The following DIAPH2 variants were observed in gnomAD, a reference collection of about 807,000 sequenced individuals.
The protein encoded by DIAPH2 is diaphanous related formin 2.
Under a neutral mutation model 92.7 loss-of-function variants are expected in DIAPH2, and 35 were observed. The observed-to-expected ratio is 0.38, with a 90% confidence interval of 0.29 to 0.50. DIAPH2 has a LOEUF of 0.50. Ranked by LOEUF, DIAPH2 falls within the 20% of genes least tolerant of loss-of-function variation. The pLI, the probability that DIAPH2 is intolerant of heterozygous loss-of-function variation, is 0.94. For missense variants in DIAPH2, 701 were observed against 819.5 expected, an observed-to-expected ratio of 0.86 and a Z score of 1.77; for synonymous variants, 301 against 280.4, an observed-to-expected ratio of 1.07 and a Z score of -0.73.
chrX:97,014,671 T>G (rs1414881436), intron 17 of DIAPH2, among the ~76,000 whole-genome samples: 1 of 111,689 alleles, frequency 9.0e-6, no homozygotes, highest in Non-Finnish European at 1.9e-5. Flanking sequence ...GAAGCTCTAG[T>G]GTGGTGCTTA....
chrX:97,229,892 TTATATATGATAACAA>T (rs1326919647), intron 22 of DIAPH2, among the ~76,000 whole-genome samples: 2 of 105,681 alleles, frequency 1.9e-5, no homozygotes, highest in East Asian at 5.7e-4. Context: ...AATATTGTTA[TTATATATGATAACAA>T]TATATAAGAT....
chrX:97,325,813 G>A (rs909891853), intron 23 of DIAPH2, among the ~76,000 whole-genome samples: 5 of 111,627 alleles, frequency 4.5e-5, no homozygotes, highest in African/African-American at 1.3e-4. Flanking sequence ...TCCTGACCTC[G>A]TGATTCACCT....
chrX:97,249,113 AC>A (rs1248497170), intron 23 of DIAPH2, among the ~76,000 whole-genome samples: 5 of 105,871 alleles, frequency 4.7e-5, no homozygotes, highest in African/African-American at 1.7e-4. Context: ...TGGAAACACC[AC>A]CTCCTTTTTC....
chrX:97,411,839 A>G (rs1165529693), intron 25 of DIAPH2, among the ~76,000 whole-genome samples: 2 of 112,160 alleles, frequency 1.8e-5, no homozygotes, highest in African/African-American at 6.5e-5. Flanking sequence ...GATCAATTCA[A>G]CAAGAAGAGC....
chrX:97,306,188 G>A (rs1025539305), intron 23 of DIAPH2, among the ~76,000 whole-genome samples: 2 of 111,037 alleles, frequency 1.8e-5, no homozygotes, highest in Admixed American at 9.7e-5. Flanking sequence ...TTGCCTCCCC[G>A]CATCTCTCCT....
At chrX:97,381,620 C>T (rs767204696) in intron 24 of DIAPH2, among the ~76,000 whole-genome samples, 44 of 111,461 alleles carry the variant, frequency 3.9e-4, no homozygotes, top group Non-Finnish European at 7.2e-4. Context: ...ATTTGGAAGG[C>T]ATCATAGTAG....
chrX:97,497,842 G>A (rs2070769989), intron 26 of DIAPH2, among the ~76,000 whole-genome samples: 1 of 110,748 alleles, frequency 9.0e-6, no homozygotes, highest in Non-Finnish European at 1.9e-5. Flanking sequence ...TGTAAGGGAA[G>A]GGTTAAAATG....
rs1602525915 is a variant in DIAPH2 at position 97,348,269 on chromosome X, A to G, written c.2998A>G (p.Thr1000Ala). The change falls in exon 24 of 27, where the codon ACT becomes GCT. Residue 1000 changes from threonine (T) to alanine (A), a missense_variant. Around this residue, in one of 3 missense-constraint regions of DIAPH2, gnomAD observed 536 missense variants for 599.3 expected, o/e 0.89. Coordinates refer to ENST00000324765, the MANE Select transcript of DIAPH2 (RefSeq NM_006729.5). ...CTTTGGTGATCTCAACAACTTCCGA[A>G]CTTTGTTTTTGGTAAGTAATACATC... The part of the protein sequence containing the change: ...EFFGDLNNFR[T>A]LFLEAVRENN... 3 of 1,202,002 alleles carry G rather than the reference A, an allele frequency of 2.5e-6. No individual in the cohort carries two copies. The highest frequency in any genetic ancestry group is 5.9e-5 in the East Asian group (2 of 33,618).
At chrX:97,060,854 T>A (rs991467523) in intron 17 of DIAPH2, among the ~76,000 whole-genome samples, 1 of 109,830 alleles carries the variant, frequency 9.1e-6, no homozygotes, top group Non-Finnish European at 1.9e-5. Flanking sequence ...TATCCAACAA[T>A]TTTTTTTTTA....
intron 22 of DIAPH2, among the ~76,000 whole-genome samples, chrX:97,234,338 AAAAAAAAAAAG>A (rs1311235378): frequency 9.4e-6 from 1 of 106,622 alleles, no homozygotes; most frequent in African/African-American, 3.4e-5. Context: ...TCTCAAAAAA[AAAAAAAAAAAG>A]AAAAAAAGAA....
chrX:97,437,965 CAGAA>C (rs2070205740), intron 26 of DIAPH2, among the ~76,000 whole-genome samples: 1 of 106,874 alleles, frequency 9.4e-6, no homozygotes, highest in Non-Finnish European at 1.9e-5. Context: ...AAAGGATACT[CAGAA>C]AGAAAAAAAA....
rs139557451 is a variant in DIAPH2, at chrX:97,156,625, G to C, written c.2719+14831G>C. Among the ~76,000 whole-genome samples the C allele has an allele frequency of 4.3e-3, 480 of 111,843 alleles. 3 individuals carry two copies. Among genetic ancestry groups the C allele is most frequent in the African/African-American group, 0.015 (453 of 30,809 alleles). On this transcript the variant is annotated intron_variant, in intron 22 of 26. Coordinates refer to ENST00000324765, the MANE Select transcript of DIAPH2 (RefSeq NM_006729.5). ...CAGTGAGACTAGAAAGGAGAGAAAA[G>C]ATTCTGGAAAATGTGGGACTTAAAT...
At chrX:96,898,903 A>G (rs1471820534) in intron 5 of DIAPH2, among the ~76,000 whole-genome samples, 1 of 108,547 alleles carries the variant, frequency 9.2e-6, no homozygotes, top group Non-Finnish European at 1.9e-5. Flanking sequence ...TAATTTTTGT[A>G]TAAGGTGTAA....
intron 25 of DIAPH2, among the ~76,000 whole-genome samples, chrX:97,388,852 A>G (rs1602555491): frequency 9.0e-6 from 1 of 111,630 alleles, no homozygotes; most frequent in Middle Eastern, 4.6e-3. Flanking sequence ...AACTACCTAT[A>G]TTTTCCAAAA....
rs185545812 is a variant in DIAPH2 at position 97,180,669 on chromosome X, G to A, written c.2719+38875G>A. Among the ~76,000 whole-genome samples the A allele has an allele frequency of 3.6e-5, 4 of 111,840 alleles. No homozygotes were observed. The East Asian group carries it at 1.1e-3, about 31-fold the overall frequency. The stretch of plus-strand genomic sequence containing the variant: ...CACTTAAGTCTTTAATCCATCTTGA[G>A]TTAATTTTTGTATAAGGTGTAAGGA... On this transcript the variant is annotated intron_variant, in intron 22 of 26. Coordinates refer to ENST00000324765, the MANE Select transcript of DIAPH2 (RefSeq NM_006729.5).
intron 1 of DIAPH2, among the ~76,000 whole-genome samples, chrX:96,718,495 A>G (rs2063969254): frequency 9.3e-6 from 1 of 107,131 alleles, no homozygotes; most frequent in Non-Finnish European, 1.9e-5. Flanking sequence ...CTGGGACTAT[A>G]GGCGCGTGCC....
chrX:97,353,838 A>C (rs2147697180), intron 24 of DIAPH2, among the ~76,000 whole-genome samples: 1 of 111,158 alleles, frequency 9.0e-6, no homozygotes, highest in South Asian at 3.8e-4. Flanking sequence ...ATTGATTGAG[A>C]CCGGGTTGCT....
intron 3 of DIAPH2, among the ~76,000 whole-genome samples, chrX:96,751,652 G>GTTTTTTTTTTTTTTTTTTTT (rs1219167141): frequency 1.2e-4 from 7 of 60,312 alleles, no homozygotes; most frequent in African/African-American, 4.5e-4. Context: ...TCAGTGTTTT[G>GTTTTTTTTTTTTTTTTTTTT]TTTTTTTTTT....
chrX:96,855,909 A>G (rs1374220537), intron 4 of DIAPH2, among the ~76,000 whole-genome samples: 1 of 111,899 alleles, frequency 8.9e-6, no homozygotes, highest in Non-Finnish European at 1.9e-5. Flanking sequence ...TGGCAGTTTT[A>G]GAACCTTGCT....
Sources: allele counts gnomAD v4.1 joint callset (sites outside exome capture counted in the v4.1 genomes callset), GRCh38; gene constraint gnomAD v4.1.1; regional missense constraint gnomAD v4.1.1; transcripts MANE v1.5; gene names NCBI Gene and HGNC (gene_info 2026-07-23, HGNC 2026-07-21).